Variants in OTOG observed in about 807,000 individuals in gnomAD.
OTOG encodes the protein otogelin.
In OTOG, 296 loss-of-function variants were observed where a neutral mutation model predicts 313.8. That is an observed-to-expected ratio of 0.94 (90% CI 0.86 to 1.04). The LOEUF (loss-of-function observed/expected upper bound fraction) is 1.04. Ranked by LOEUF, OTOG falls within the 50% of genes least tolerant of loss-of-function variation. The probability of loss-of-function intolerance (pLI) is 0.00; values close to 1 mark genes in which losing one functional copy is unlikely to be tolerated. For missense variants in OTOG, 3,948 were observed against 3,840.1 expected (o/e 1.03, Z -0.74); for synonymous variants, 1,533 against 1,554.9 (o/e 0.99, Z 0.33).
chr11:17,645,822 T>G lies in OTOG; in HGVS notation c.8620T>G (p.Cys2874Gly). The G allele has an allele frequency of 6.4e-7, 1 of 1,551,064 alleles. No individual in the cohort carries two copies. Among genetic ancestry groups the G allele is most frequent in the Non-Finnish European group, 8.7e-7 (1 of 1,147,094 alleles). Residue 2874 changes from cysteine (C) to glycine (G), a missense_variant, in exon 56 of 56, where the codon TGC becomes GGC. Physicochemically the swap from Cys to Gly is radical, Grantham distance 159. Transcript: ENST00000399397. ...CAACATCAACACCTATGCCCGATTC[T>G]GCAAGTGCTGCCGTGAGGTGGGCCT... ...NYNINTYARF[C>G]KCCREVGLQR... is the part of the protein sequence containing the mutation.
chr11:17,630,005 C>T (rs539339402), intron 40 of OTOG, among the ~76,000 whole-genome samples: 1 of 151,998 alleles, frequency 6.6e-6, no homozygotes, highest in African/African-American at 2.4e-5. Flanking sequence ...ACACACACAC[C>T]CTCCATCCTC....
At position 17,613,170 on chromosome 11, in the gene OTOG, TTTTC is replaced by T. The variant is rs201528443; in HGVS notation, c.6439-418_6439-415del. Among the ~76,000 whole-genome samples the T allele has an allele frequency of 1.7e-3, 210 of 125,608 alleles. 3 individuals carry two copies. The highest frequency in any genetic ancestry group is 5.0e-3 in the African/African-American group (155 of 30,890). The allele number at this position is 125,608 out of a possible 152,430, so 82.4% of individuals were successfully genotyped here. ...TAGCTTCTTTCTCTTCTCTTCTCCC[TTTTC>T]TTTCTTTCTTTCTTTCTTTCTTTTC... On this transcript the variant is annotated intron_variant, in intron 38 of 55. Transcript: ENST00000399397.
In OTOG at chr11:17,574,913, G is replaced by A; in HGVS notation, c.2486+1G>A. 1 of 1,500,244 alleles carries A rather than the reference G, an allele frequency of 6.7e-7. No homozygotes were observed. The highest frequency in any genetic ancestry group is 2.1e-5 in the Admixed American group (1 of 47,412). 92.9% of individuals were successfully genotyped at this position (1,500,244 alleles called of 1,614,324 possible). Reference sequence around the variant, plus strand: ...CCCAGGCTGACCTCTGTGTCCCCCGGTGAGTGGGTCAGCTTGATCTCTGAG... The same window carrying A: ...CCCAGGCTGACCTCTGTGTCCCCCGATGAGTGGGTCAGCTTGATCTCTGAG... On this transcript the variant is annotated splice_donor_variant, in intron 20 of 55. Transcript: ENST00000399397. LOFTEE classifies it high-confidence loss of function.
intron 18 of OTOG, among the ~76,000 whole-genome samples, chr11:17,572,581 G>A (rs1057011962): frequency 6.6e-6 from 1 of 152,162 alleles, no homozygotes; most frequent in Admixed American, 6.5e-5. Context: ...ACACAGTCAG[G>A]ACTGCTCTCC....
chr11:17,633,287 C>G (rs183192323), intron 42 of OTOG, among the ~76,000 whole-genome samples: 1 of 152,298 alleles, frequency 6.6e-6, no homozygotes, highest in East Asian at 1.9e-4. Context: ...TGATCTAGAG[C>G]AAGGGGTTGG....
intron 5 of OTOG, 35 bp downstream of exon 5, chr11:17,553,246 A>G: frequency 6.5e-7 from 1 of 1,544,652 alleles, no homozygotes; most frequent in African/African-American, 1.4e-5. Flanking sequence ...CCAGGAAGGG[A>G]CCTGGGTGCA....
At chr11:17,613,724 C>T in intron 39 of OTOG, 23 bp downstream of exon 39, 1 of 1,545,040 alleles carries the variant, frequency 6.5e-7, no homozygotes, top group Non-Finnish European at 8.8e-7. Context: ...AACAGCCAGC[C>T]TCCAGGGCAG....
At chr11:17,590,444 A>G (rs1852903803) in intron 24 of OTOG, among the ~76,000 whole-genome samples, 2 of 152,186 alleles carry the variant, frequency 1.3e-5, no homozygotes, top group African/African-American at 4.8e-5. Context: ...CCAGAATCTG[A>G]CAACTTCTCA....
At position 17,605,933 on chromosome 11, in the gene OTOG, G is replaced by C; in HGVS notation, c.3954G>C (p.Glu1318Asp). The change falls in exon 33 of 56, where the codon GAG (glutamate) becomes GAC (aspartate). Residue 1318 changes from glutamate to aspartate, a missense_variant. Physicochemically the swap from Glu to Asp is conservative, Grantham distance 45. Transcript: ENST00000399397. ...FLHVTANGSL[E>D]LAKWQGRDTF... The stretch of plus-strand genomic sequence containing the variant: ...ACGTCACAGCCAACGGGTCTCTGGA[G>C]CTGGCTAAGTGGCAGGGCCGTGACA... 1 of 1,550,638 alleles carries C rather than the reference G, an allele frequency of 6.4e-7. No homozygotes were observed. The highest frequency in any genetic ancestry group is 8.7e-7 in the Non-Finnish European group (1 of 1,146,996).
At position 17,634,184 on chromosome 11, in the gene OTOG, G is replaced by C; in HGVS notation, c.7383G>C (p.Leu2461=). The C allele has an allele frequency of 6.5e-7, 1 of 1,550,376 alleles. No homozygotes were observed. Among genetic ancestry groups the C allele is most frequent in the Admixed American group, 2.0e-5 (1 of 51,008 alleles). Residue 2461 remains leucine (L), a synonymous_variant, in exon 44 of 56, where the codon CTG becomes CTC. Coordinates refer to ENST00000399397, the MANE Select transcript of OTOG (RefSeq NM_001292063.2). ...CAGACACCATTGTCCCGGTGGATCTGGGCTGCCCCAGTCCCCGCCCTGAGA... is the reference window on the plus strand; with the variant it reads ...CAGACACCATTGTCCCGGTGGATCTCGGCTGCCCCAGTCCCCGCCCTGAGA... ...QAPDTIVPVD[L]GCPSPRPESC...
At chr11:17,614,513 C>T (rs1853677189) in intron 39 of OTOG, among the ~76,000 whole-genome samples, 2 of 152,042 alleles carry the variant, frequency 1.3e-5, no homozygotes, top group South Asian at 2.1e-4. Flanking sequence ...CAACAAGCAC[C>T]CACAGTCATG....
Position 17,555,879 on chromosome 11 carries a change from T to C in OTOG, c.641T>C (p.Val214Ala), listed in dbSNP as rs757412506. 527 of 1,550,838 alleles carry C rather than the reference T, an allele frequency of 3.4e-4. No homozygotes were observed. The highest frequency in any genetic ancestry group is 4.5e-4 in the Non-Finnish European group (516 of 1,147,010). ...CAGGAGATCCATCTGGCCAAGGAGGTCACCCATGGAGGCATGAGGTAACTC... is the reference window on the plus strand; with the variant it reads ...CAGGAGATCCATCTGGCCAAGGAGGCCACCCATGGAGGCATGAGGTAACTC... ...GEQEIHLAKEVTHGGMRVQLP... is the reference protein window; with the variant it reads ...GEQEIHLAKEATHGGMRVQLP... The change falls in exon 7 of 56, where the codon GTC (valine) becomes GCC (alanine). Residue 214 changes from valine (V) to alanine (A), a missense_variant. By Grantham distance (64) the Val-to-Ala change is moderately conservative. Transcript: ENST00000399397.
At chr11:17,559,235 C>CT in intron 11 of OTOG, 74 bp downstream of exon 11, 2 of 1,144,334 alleles carry the variant, frequency 1.7e-6, no homozygotes, top group South Asian at 3.1e-5. Flanking sequence ...AGCTCAATGT[C>CT]TTGTCCTGCT....
At chr11:17,577,173 G>T (rs994993652) in intron 22 of OTOG, among the ~76,000 whole-genome samples, 1 of 152,222 alleles carries the variant, frequency 6.6e-6, no homozygotes, top group Non-Finnish European at 1.5e-5. Flanking sequence ...TCAGGGCAAT[G>T]ATCTGGGGCA....
intron 39 of OTOG, among the ~76,000 whole-genome samples, chr11:17,625,405 G>C (rs1042088318): frequency 2.6e-5 from 4 of 152,198 alleles, no homozygotes; most frequent in Admixed American, 6.5e-5. Flanking sequence ...TGCACCTATT[G>C]AGATAATTCT....
intron 24 of OTOG, among the ~76,000 whole-genome samples, chr11:17,588,024 G>T (rs1221777798): frequency 6.6e-6 from 1 of 152,168 alleles, no homozygotes; most frequent in Non-Finnish European, 1.5e-5. Flanking sequence ...TCAGAAATCA[G>T]ATCCAAGGCA....
rs1344999827 is a variant in OTOG, at chr11:17,632,215, C to CT, written c.7062dup (p.Asp2355Ter). The CT allele has an allele frequency of 6.5e-7, 1 of 1,550,324 alleles. No individual in the cohort carries two copies. Among genetic ancestry groups the CT allele is most frequent in the Non-Finnish European group, 8.7e-7 (1 of 1,146,588 alleles). ...CATGTGTGCATCGAGTGGCGGCGCT[C>CT]TGACTACTGCCGTGAGTTTGCGGGG... On this transcript the variant is annotated frameshift_variant, in exon 42 of 56. Transcript: ENST00000399397. LOFTEE classifies it high-confidence loss of function.
intron 38 of OTOG, among the ~76,000 whole-genome samples, chr11:17,613,358 T>TTCCTTCCTTCCTTCCTTCCC (rs1853640637): frequency 2.9e-5 from 3 of 102,228 alleles, no homozygotes; most frequent in Non-Finnish European, 4.6e-5. Flanking sequence ...CCTTCCTTCC[T>TTCCTTCCTTCCTTCCTTCCC]TCCTTCCTTC....
chr11:17,628,339 A>G (rs1854034797), intron 39 of OTOG, among the ~76,000 whole-genome samples: 1 of 152,182 alleles, frequency 6.6e-6, no homozygotes, highest in African/African-American at 2.4e-5. Flanking sequence ...TCAGGAGCAT[A>G]TAAAACAGTC....
Sources: allele counts gnomAD v4.1 joint callset (sites outside exome capture counted in the v4.1 genomes callset), GRCh38; gene constraint gnomAD v4.1.1; transcripts MANE v1.5; gene names NCBI Gene and HGNC (gene_info 2026-07-23, HGNC 2026-07-21).